NEK7: variants seen among roughly 807,000 people sequenced by gnomAD.
NEK7 encodes serine/threonine-protein kinase Nek7.
A neutral mutation model predicts 44.6 loss-of-function variants in NEK7; 18 were observed. The observed-to-expected ratio is 0.40, with a 90% confidence interval of 0.28 to 0.60. The LOEUF is 0.60. Ranked by LOEUF, NEK7 falls within the 20% of genes least tolerant of loss-of-function variation. The pLI is 0.38. For missense variants in NEK7, 256 were observed against 366.5 expected (o/e 0.70, Z 2.46); for synonymous variants, 130 against 121.1 (o/e 1.07, Z -0.48).
At chr1:198,284,066 T>C (rs1654294362) in intron 7 of NEK7, among the ~76,000 whole-genome samples, 1 of 152,160 alleles carries the variant, frequency 6.6e-6, no homozygotes, top group South Asian at 2.1e-4. Flanking sequence ...TGGAGGGGTA[T>C]AATAACATTT....
At chr1:198,264,849 T>C (rs1341693214) in intron 5 of NEK7, among the ~76,000 whole-genome samples, 2 of 152,102 alleles carry the variant, frequency 1.3e-5, no homozygotes, top group Non-Finnish European at 2.9e-5. Context: ...GTTACTTCTC[T>C]GTGTCACATT....
intron 2 of NEK7, among the ~76,000 whole-genome samples, chr1:198,248,388 A>C (rs1480252003): frequency 6.6e-6 from 1 of 152,206 alleles, no homozygotes. Context: ...GAACTAGGAC[A>C]ATCAGTAAAA....
chr1:198,297,052 C>A, intron 8 of NEK7, 75 bp from the exon 9 acceptor site: 1 of 923,962 alleles, frequency 1.1e-6, no homozygotes, highest in Non-Finnish European at 1.7e-6. Context: ...TTTCTACCCC[C>A]GTATAATATA....
chr1:198,212,786 G>A (rs182199807), intron 1 of NEK7, among the ~76,000 whole-genome samples: 83 of 152,360 alleles, frequency 5.4e-4, no homozygotes, highest in African/African-American at 1.9e-3. Context: ...TCTTTTGCAA[G>A]TGCCACCTCC....
chr1:198,307,863 T>C (rs932007571), intron 9 of NEK7, among the ~76,000 whole-genome samples: 4 of 152,148 alleles, frequency 2.6e-5, no homozygotes, highest in Non-Finnish European at 4.4e-5. Flanking sequence ...CATGTATATA[T>C]AGCTGTATTA....
intron 1 of NEK7, among the ~76,000 whole-genome samples, chr1:198,164,193 T>C (rs1664195491): frequency 6.6e-6 from 1 of 152,240 alleles, no homozygotes; most frequent in Admixed American, 6.5e-5. Flanking sequence ...GAAAGGAATT[T>C]GTTACTGAAC....
intron 9 of NEK7, among the ~76,000 whole-genome samples, chr1:198,312,019 G>A (rs1415726358): frequency 6.6e-6 from 1 of 152,192 alleles, no homozygotes; most frequent in African/African-American, 2.4e-5. Flanking sequence ...AATGGTACCT[G>A]TTCCTCCTTG....
chr1:198,317,877 A>AT (rs34704209), intron 9 of NEK7, among the ~76,000 whole-genome samples: 8,745 of 69,864 alleles, frequency 0.13, 610 homozygotes, highest in Non-Finnish European at 0.14. Context: ...GGATATATTT[A>AT]TTTTTTTTTT....
chr1:198,278,051 C>G lies in NEK7; in HGVS notation c.463C>G (p.Arg155Gly). The change falls in exon 6 of 10, where the codon CGA (arginine) becomes GGA (glycine). Residue 155 changes from arginine (R) to glycine (G), a missense_variant. By Grantham distance (125) the Arg-to-Gly change is moderately radical. This residue lies in a region of NEK7 where 102 missense variants were observed against 205.2 expected (regional missense o/e 0.50). Transcript: ENST00000367385. ...CAGTGCATTGGAACACATGCATTCT[C>G]GAAGAGTCATGCATAGAGGTAAGAT... The part of the protein sequence containing the change: ...LCSALEHMHS[R>G]RVMHRDIKPA... The G allele has an allele frequency of 6.4e-7, 1 of 1,556,542 alleles. No homozygotes were observed. Among genetic ancestry groups the G allele is most frequent in the Non-Finnish European group, 8.9e-7 (1 of 1,129,038 alleles).
At chr1:198,254,332 T>C (rs1653178734) in intron 3 of NEK7, among the ~76,000 whole-genome samples, 1 of 152,206 alleles carries the variant, frequency 6.6e-6, no homozygotes, top group Non-Finnish European at 1.5e-5. Context: ...TGTTTATCAT[T>C]CCTTTGTTTT....
chr1:198,310,031 A>C (rs1398528734), intron 9 of NEK7, among the ~76,000 whole-genome samples: 1 of 151,538 alleles, frequency 6.6e-6, no homozygotes, highest in East Asian at 2.0e-4. Flanking sequence ...TGACTTCCAC[A>C]ATGGTTGAAC....
intron 1 of NEK7, among the ~76,000 whole-genome samples, chr1:198,224,303 C>T (rs531783036): frequency 6.6e-6 from 1 of 150,614 alleles, no homozygotes; most frequent in Admixed American, 6.7e-5. Flanking sequence ...AAAATACTTA[C>T]CACTGTGTTC....
At chr1:198,218,419 C>T (rs918384215) in intron 1 of NEK7, among the ~76,000 whole-genome samples, 27 of 151,852 alleles carry the variant, frequency 1.8e-4, no homozygotes, top group African/African-American at 6.3e-4. Context: ...CAAAAGTTAA[C>T]TCAAAATGGA....
At chr1:198,278,900 T>C in intron 6 of NEK7, 54 bp from the exon 7 acceptor site, 1 of 968,832 alleles carries the variant, frequency 1.0e-6, no homozygotes, top group Non-Finnish European at 1.6e-6. Flanking sequence ...TTAATTCCTT[T>C]AAAATTTCTA....
chr1:198,302,565 A>G (rs1227941076), intron 9 of NEK7, among the ~76,000 whole-genome samples: 1 of 152,192 alleles, frequency 6.6e-6, no homozygotes, highest in Non-Finnish European at 1.5e-5. Context: ...AGGGATTAAA[A>G]AGTACAGGTA....
At chr1:198,162,261 C>T (rs1664128247) in intron 1 of NEK7, among the ~76,000 whole-genome samples, 1 of 152,136 alleles carries the variant, frequency 6.6e-6, no homozygotes, top group South Asian at 2.1e-4. Context: ...GGACTTTTGA[C>T]CCCTTAGCCC....
At chr1:198,254,787 A>C (rs1290997518) in intron 3 of NEK7, among the ~76,000 whole-genome samples, 1 of 152,186 alleles carries the variant, frequency 6.6e-6, no homozygotes, top group African/African-American at 2.4e-5. Flanking sequence ...CGCCAGCAGC[A>C]TATAAGAATT....
chr1:198,231,810 C>G (rs1369008467), intron 1 of NEK7, among the ~76,000 whole-genome samples: 1 of 151,868 alleles, frequency 6.6e-6, no homozygotes. Flanking sequence ...TTTAGTTGTT[C>G]CATCAGTTAA....
chr1:198,177,346 A>G (rs564579114), intron 1 of NEK7, among the ~76,000 whole-genome samples: 2 of 152,278 alleles, frequency 1.3e-5, no homozygotes, highest in South Asian at 4.1e-4. Flanking sequence ...GTAATGGAAC[A>G]ATTACTTCAG....
Sources: gnomAD v4.1 joint callset for allele counts (sites outside exome capture counted in the v4.1 genomes callset) on GRCh38, gnomAD v4.1.1 for gene constraint, gnomAD v4.1.1 regional missense constraint, MANE v1.5 for transcripts, NCBI Gene and HGNC (gene_info 2026-07-23, HGNC 2026-07-21) for gene names.